Variants in ASXL2 observed in about 807,000 individuals in gnomAD.
ASXL2 encodes putative Polycomb group protein ASXL2.
Under a neutral mutation model 122.0 loss-of-function variants are expected in ASXL2, and 23 were observed. The observed-to-expected ratio is 0.19, with a 90% CI of 0.14 to 0.27. The LOEUF (loss-of-function observed/expected upper bound fraction) is 0.27. Among genes scored for constraint, ASXL2 ranks in the 10% least tolerant of loss-of-function variants. The pLI, the probability that ASXL2 is intolerant of heterozygous loss-of-function variation, is 1.00. For missense variants in ASXL2, 1,518 were observed against 1,713.8 expected (o/e 0.89, Z 2.02); for synonymous variants, 650 against 637.0 (o/e 1.02, Z -0.31).
chr2:25,742,677 TAG>T lies in ASXL2; in HGVS notation c.3658_3659del (p.Leu1220IlefsTer4), dbSNP rs1246518821. ...TSSGPHSRET[L>X]STSDCLASKN... The stretch of plus-strand genomic sequence containing the variant: ...TGCTAGCTAAGCAATCACTGGTAGA[TAG>T]AGTTTCCCTGCTGTGAGGTCCTGAA... On this transcript the variant is annotated frameshift_variant, in exon 13 of 13. Transcript: ENST00000435504. LOFTEE classifies it high-confidence loss of function. 1 of 1,613,896 alleles carries T rather than the reference TAG, an allele frequency of 6.2e-7. No homozygotes were observed. The highest frequency in any genetic ancestry group is 8.5e-7 in the Non-Finnish European group (1 of 1,179,896).
At chr2:25,849,690 G>C (rs552831525) in intron 1 of ASXL2, among the ~76,000 whole-genome samples, 2 of 151,954 alleles carry the variant, frequency 1.3e-5, no homozygotes, top group South Asian at 2.1e-4. Context: ...TGCCCAGGCC[G>C]GTCTCGAACT....
chr2:25,746,653 A>C (rs138420401), intron 12 of ASXL2, among the ~76,000 whole-genome samples: 1 of 152,314 alleles, frequency 6.6e-6, no homozygotes, highest in East Asian at 1.9e-4. Context: ...ATAATAACAC[A>C]ATCATTAATA....
chr2:25,865,085 A>C lies in ASXL2; in HGVS notation c.57+13081T>G, dbSNP rs545230711. ...TGATCCACCCACCTCAGCCTACAAA[A>C]GTGCTGAGATTACAGGTGTGAGCCA... On this transcript the variant is annotated intron_variant, in intron 1 of 12. Coordinates refer to ENST00000435504, the MANE Select transcript of ASXL2 (RefSeq NM_018263.6). Among the ~76,000 whole-genome samples the C allele has an allele frequency of 2.6e-4, 39 of 151,990 alleles. 1 individual carries two copies. The South Asian group carries it at 8.1e-3, about 32-fold the overall frequency.
intron 5 of ASXL2, among the ~76,000 whole-genome samples, chr2:25,790,168 A>G (rs72799699): frequency 0.048 from 7,332 of 152,236 alleles, 254 homozygotes; most frequent in African/African-American, 0.086. Flanking sequence ...GCATGAAAGC[A>G]AGAACATTTA....
chr2:25,866,192 G>A (rs1296225263), intron 1 of ASXL2, among the ~76,000 whole-genome samples: 2 of 149,802 alleles, frequency 1.3e-5, no homozygotes, highest in Middle Eastern at 3.4e-3. Flanking sequence ...GTGCAGTGGC[G>A]CCATCTTGGC....
At chr2:25,833,336 T>G (rs1241612142) in intron 3 of ASXL2, among the ~76,000 whole-genome samples, 1 of 152,204 alleles carries the variant, frequency 6.6e-6, no homozygotes, top group Non-Finnish European at 1.5e-5. Context: ...TAATTTTCTA[T>G]AGTGAGCAAT....
At chr2:25,828,182 A>G (rs1037601948) in intron 3 of ASXL2, among the ~76,000 whole-genome samples, 4 of 152,172 alleles carry the variant, frequency 2.6e-5, no homozygotes, top group Non-Finnish European at 4.4e-5. Context: ...TTTTCACCTA[A>G]AGAGAAATAA....
chr2:25,800,807 A>G (rs1218385988), intron 4 of ASXL2, among the ~76,000 whole-genome samples: 1 of 152,236 alleles, frequency 6.6e-6, no homozygotes, highest in Admixed American at 6.5e-5. Context: ...AAATGAGCTA[A>G]TAAATGTAAA....
At chr2:25,848,976 C>T (rs570742613) in intron 1 of ASXL2, among the ~76,000 whole-genome samples, 17 of 144,406 alleles carry the variant, frequency 1.2e-4, no homozygotes, top group Non-Finnish European at 2.5e-4. Flanking sequence ...GACCAGGAGG[C>T]GGAGGTTGCA....
chr2:25,737,987 T>C lies in ASXL2; in HGVS notation c.*4042A>G, dbSNP rs1487953050. 1 of 152,062 alleles carries C rather than the reference T, an allele frequency of 6.6e-6. No homozygotes were observed. The highest frequency in any genetic ancestry group is 1.5e-5 in the Non-Finnish European group (1 of 67,980). 9.4% of individuals were successfully genotyped at this position (152,062 alleles called of 1,614,324 possible). ...AGGGAAAAAAATAGCTTGTGGTAAA[T>C]AAGTCAATTTTCTTTTAAAATAAAA... On this transcript the variant is annotated 3_prime_UTR_variant, in exon 13 of 13. Coordinates refer to ENST00000435504, the MANE Select transcript of ASXL2 (RefSeq NM_018263.6).
intron 3 of ASXL2, among the ~76,000 whole-genome samples, chr2:25,833,016 AG>A (rs1488777611): frequency 6.6e-6 from 1 of 152,194 alleles, no homozygotes; most frequent in Non-Finnish European, 1.5e-5. Flanking sequence ...GACTAGTATA[AG>A]GAAGGGGGGC....
intron 5 of ASXL2, among the ~76,000 whole-genome samples, chr2:25,774,983 T>G (rs2088521688): frequency 6.6e-6 from 1 of 152,230 alleles, no homozygotes; most frequent in Non-Finnish European, 1.5e-5. Context: ...GACTGTTATT[T>G]CATTTTGCCT....
intron 3 of ASXL2, among the ~76,000 whole-genome samples, chr2:25,822,055 C>G (rs2089318416): frequency 6.6e-6 from 1 of 152,166 alleles, no homozygotes; most frequent in Non-Finnish European, 1.5e-5. Flanking sequence ...AGAAGCCTAT[C>G]AACATTAATA....
At chr2:25,783,852 A>G (rs1371278557) in intron 5 of ASXL2, among the ~76,000 whole-genome samples, 1 of 151,830 alleles carries the variant, frequency 6.6e-6, no homozygotes, top group Non-Finnish European at 1.5e-5. Flanking sequence ...TCAAGAGTTC[A>G]AGACCAGCCT....
chr2:25,771,054 G>T (rs1461849689), intron 6 of ASXL2, among the ~76,000 whole-genome samples: 2 of 152,020 alleles, frequency 1.3e-5, no homozygotes, highest in African/African-American at 4.8e-5. Flanking sequence ...TGGCCAACAT[G>T]GTGAAACCCT....
Position 25,767,597 on chromosome 2 carries a change from T to C in ASXL2, c.761A>G (p.Glu254Gly). 6.2e-7 allele frequency: 1 copy of C among 1,613,914 alleles called. No individual in the cohort carries two copies. Among genetic ancestry groups the C allele is most frequent in the Non-Finnish European group, 8.5e-7 (1 of 1,179,836 alleles). Residue 254 changes from glutamate (E) to glycine (G), a missense_variant, in exon 8 of 13, where the codon GAG (glutamate) becomes GGG (glycine). Transcript: ENST00000435504. ...AGCAAACTTACTGGTATGGAGTCTC[T>C]CAGATCTCTGGAATGACTTCTTCCC... Reference protein sequence around the residue: ...GLGKKSFQRSERLHTRQMKRT... With the variant: ...GLGKKSFQRSGRLHTRQMKRT...
intron 3 of ASXL2, chr2:25,809,890 A>C: frequency 2.0e-6 from 1 of 503,676 alleles, no homozygotes. Context: ...TCAGGGTCAG[A>C]GGGAGGAGCA....
intron 3 of ASXL2, among the ~76,000 whole-genome samples, chr2:25,834,389 A>T (rs1359519878): frequency 3.3e-5 from 5 of 152,134 alleles, no homozygotes; most frequent in African/African-American, 9.7e-5. Flanking sequence ...CAAATCAAAT[A>T]CATGCTCCCT....
In ASXL2 at chr2:25,735,729, T is replaced by G. The variant is rs1229574340; in HGVS notation, c.*6300A>C. 1 of 152,214 alleles carries G rather than the reference T, an allele frequency of 6.6e-6. No individual in the cohort carries two copies. Among genetic ancestry groups the G allele is most frequent in the Non-Finnish European group, 1.5e-5 (1 of 68,028 alleles). The allele number at this position is 152,214 out of a possible 1,614,324, so 9.4% of individuals were successfully genotyped here. A position where few individuals can be genotyped will look rare whatever the true frequency, so the allele number is the denominator to read the frequency against. On this transcript the variant is annotated 3_prime_UTR_variant, in exon 13 of 13. Coordinates refer to ENST00000435504, the MANE Select transcript of ASXL2 (RefSeq NM_018263.6). The stretch of plus-strand genomic sequence containing the variant: ...TGTTGGCCTGCTTCTAATTTAGATG[T>G]TAAGAGATTTCTTGAAATTTCTATA...
Sources: gnomAD v4.1 joint callset for allele counts (sites outside exome capture counted in the v4.1 genomes callset) on GRCh38, gnomAD v4.1.1 for gene constraint, MANE v1.5 for transcripts, NCBI Gene and HGNC (gene_info 2026-07-23, HGNC 2026-07-21) for gene names.